Variants in DSCAML1 observed in about 807,000 individuals in gnomAD.
The protein encoded by DSCAML1 is cell adhesion molecule DSCAML1.
A neutral mutation model predicts 200.5 loss-of-function variants in DSCAML1; 38 were observed. The ratio of observed to expected loss-of-function variants is 0.19; its 90% CI spans 0.15 to 0.25. DSCAML1 has a LOEUF of 0.25. Among genes scored for constraint, DSCAML1 ranks in the 10% least tolerant of loss-of-function variants. The pLI, the probability that DSCAML1 is intolerant of heterozygous loss-of-function variation, is 1.00. For synonymous variants in DSCAML1, 1,215 were observed against 1,165.0 expected (o/e 1.04, Z -0.87); for missense variants, 2,223 against 2,858.8 (o/e 0.78, Z 5.07).
At chr11:117,471,838 A>G (rs1452840267) in intron 15 of DSCAML1, 31 bp downstream of exon 15, 1 of 1,461,056 alleles carries the variant, frequency 6.8e-7, no homozygotes, top group African/African-American at 1.8e-5. Context: ...CCCTGAGGCC[A>G]TGGGCAGGGC....
At chr11:117,666,664 G>A (rs1289925847) in intron 3 of DSCAML1, among the ~76,000 whole-genome samples, 1 of 152,136 alleles carries the variant, frequency 6.6e-6, no homozygotes, top group Non-Finnish European at 1.5e-5. Context: ...CCTGAGCTAC[G>A]GGCAAAAGAC....
intron 3 of DSCAML1, among the ~76,000 whole-genome samples, chr11:117,707,597 G>A (rs566407637): frequency 5.3e-5 from 8 of 152,160 alleles, no homozygotes; most frequent in African/African-American, 1.9e-4. Flanking sequence ...GCGGTGGCGT[G>A]ACCTCGACTC....
chr11:117,561,504 T>C (rs779794949), intron 3 of DSCAML1, among the ~76,000 whole-genome samples: 1 of 152,214 alleles, frequency 6.6e-6, no homozygotes, highest in African/African-American at 2.4e-5. Flanking sequence ...GCTCCAGTCA[T>C]GTCTCCAAGC....
chr11:117,703,982 G>C (rs1467379335), intron 3 of DSCAML1, among the ~76,000 whole-genome samples: 2 of 152,162 alleles, frequency 1.3e-5, no homozygotes, highest in African/African-American at 4.8e-5. Flanking sequence ...TACAGATGAG[G>C]AAAATGAGAG....
In DSCAML1 at chr11:117,480,797, CT is replaced by C. The variant is rs2048899407; in HGVS notation, c.2657-227del. On this transcript the variant is annotated intron_variant, in intron 13 of 32. Coordinates refer to ENST00000651296, the MANE Select transcript of DSCAML1 (RefSeq NM_020693.4). The surrounding 1 kb of genome is among the most constrained non-coding windows in gnomAD (Gnocchi z 4.1). ...ATCTTGTTCTTGGCCTGGGAGAGGG[CT>C]GACTCTTCTGCAGGGATTCCTGTTA... Among the ~76,000 whole-genome samples, 1 of 152,074 alleles carries C rather than the reference CT, an allele frequency of 6.6e-6. No homozygotes were observed. The highest frequency in any genetic ancestry group is 2.4e-5 in the African/African-American group (1 of 41,392).
intron 3 of DSCAML1, among the ~76,000 whole-genome samples, chr11:117,690,589 C>G (rs1299074990): frequency 6.6e-6 from 1 of 152,212 alleles, no homozygotes; most frequent in African/African-American, 2.4e-5. Context: ...ACATGAGGTT[C>G]AGAGAGGTAG....
At chr11:117,537,460 G>A (rs2050191259) in intron 3 of DSCAML1, among the ~76,000 whole-genome samples, 1 of 152,316 alleles carries the variant, frequency 6.6e-6, no homozygotes, top group East Asian at 1.9e-4. Flanking sequence ...GCCACCAGGG[G>A]TGGCGGGGAA....
intron 4 of DSCAML1, among the ~76,000 whole-genome samples, chr11:117,528,266 T>C (rs1329689310): frequency 6.7e-6 from 1 of 149,430 alleles, no homozygotes; most frequent in Admixed American, 6.7e-5. Context: ...ACAAATTCCG[T>C]GGCACACTGC....
At chr11:117,524,744 C>T in intron 5 of DSCAML1, 61 bp downstream of exon 5, 4 of 1,530,190 alleles carry the variant, frequency 2.6e-6, no homozygotes, top group Non-Finnish European at 3.5e-6. Context: ...ACACTCCTCC[C>T]CCGACCCCTG....
intron 3 of DSCAML1, among the ~76,000 whole-genome samples, chr11:117,775,351 C>T (rs958246587): frequency 5.3e-5 from 8 of 152,222 alleles, no homozygotes; most frequent in Non-Finnish European, 1.2e-4. Flanking sequence ...CCATCCTCAT[C>T]CCTGGCATCC....
At chr11:117,669,728 G>T (rs139416974) in intron 3 of DSCAML1, among the ~76,000 whole-genome samples, 1 of 152,376 alleles carries the variant, frequency 6.6e-6, no homozygotes, top group Non-Finnish European at 1.5e-5. Context: ...GAGACCTGAA[G>T]GATGAGATGG....
intron 3 of DSCAML1, among the ~76,000 whole-genome samples, chr11:117,551,961 G>C (rs2050474476): frequency 6.7e-6 from 1 of 149,800 alleles, no homozygotes; most frequent in Admixed American, 6.7e-5. Flanking sequence ...GGCTAATCCT[G>C]TTAAGGAGAC....
intron 3 of DSCAML1, among the ~76,000 whole-genome samples, chr11:117,762,895 A>G (rs1324337989): frequency 1.4e-5 from 2 of 146,214 alleles, no homozygotes; most frequent in African/African-American, 5.1e-5. Context: ...AATAATAATA[A>G]TAATAATTTA....
chr11:117,620,072 G>A (rs1429892096), intron 3 of DSCAML1, among the ~76,000 whole-genome samples: 1 of 152,126 alleles, frequency 6.6e-6, no homozygotes, highest in Non-Finnish European at 1.5e-5. Flanking sequence ...GTACACTGGA[G>A]ACAATAAACA....
At chr11:117,496,877 A>T (rs2049298662) in intron 11 of DSCAML1, among the ~76,000 whole-genome samples, 1 of 152,158 alleles carries the variant, frequency 6.6e-6, no homozygotes, top group African/African-American at 2.4e-5. Flanking sequence ...CCACATGGAG[A>T]CTGTTCTATT....
intron 3 of DSCAML1, among the ~76,000 whole-genome samples, chr11:117,559,551 A>G (rs936134869): frequency 6.6e-6 from 1 of 152,102 alleles, no homozygotes; most frequent in Non-Finnish European, 1.5e-5. Flanking sequence ...TTCCTTTATA[A>G]GCCCTTGCTT....
chr11:117,645,091 C>A (rs2137604295), intron 3 of DSCAML1, among the ~76,000 whole-genome samples: 1 of 152,344 alleles, frequency 6.6e-6, no homozygotes, highest in Admixed American at 6.5e-5. Flanking sequence ...AGAGAGCCCC[C>A]ACAGTGGTGG....
chr11:117,613,024 G>GCCC (rs1555190303), intron 3 of DSCAML1, among the ~76,000 whole-genome samples: 1 of 152,144 alleles, frequency 6.6e-6, no homozygotes, highest in Non-Finnish European at 1.5e-5. Flanking sequence ...AGGGTCCATG[G>GCCC]ATGGGCTTAT....
intron 4 of DSCAML1, among the ~76,000 whole-genome samples, chr11:117,530,328 A>AG (rs756410658): frequency 7.2e-5 from 11 of 152,168 alleles, no homozygotes; most frequent in Non-Finnish European, 1.2e-4. Context: ...ACGGAGGAGA[A>AG]GGGAGCAGGC....
Sources: gnomAD v4.1 joint callset for allele counts (sites outside exome capture counted in the v4.1 genomes callset) on GRCh38, gnomAD v4.1.1 for gene constraint, Gnocchi (gnomAD v3.1) non-coding constraint, MANE v1.5 for transcripts, NCBI Gene and HGNC (gene_info 2026-07-23, HGNC 2026-07-21) for gene names.